PRKN: variants seen among roughly 807,000 people sequenced by gnomAD.
The protein encoded by PRKN is parkin RBR E3 ubiquitin protein ligase, also known as E3 ubiquitin-protein ligase parkin.
In PRKN, 56 loss-of-function variants were observed where a neutral mutation model predicts 59.5. The observed-to-expected ratio is 0.94, with a 90% CI of 0.76 to 1.18. The LOEUF is 1.18. PRKN is among the 50% of genes most tolerant of loss of function. PRKN has a pLI of 0.00. For missense variants in PRKN, 657 were observed against 596.4 expected, an observed-to-expected ratio of 1.10 and a Z score of -1.06; for synonymous variants, 250 against 222.1, an observed-to-expected ratio of 1.13 and a Z score of -1.12.
intron 1 of PRKN, among the ~76,000 whole-genome samples, chr6:162,465,348 C>T (rs1791367136): frequency 6.6e-6 from 1 of 152,130 alleles, no homozygotes; most frequent in Non-Finnish European, 1.5e-5. Flanking sequence ...TTTGTGGCCA[C>T]CTACAGAATA....
chr6:161,916,783 A>G (rs9355965), intron 6 of PRKN, among the ~76,000 whole-genome samples: 87,846 of 151,608 alleles, frequency 0.58, 25,863 homozygotes, highest in African/African-American at 0.7. Flanking sequence ...GTTAGTCTTT[A>G]ATTTTAATTT....
intron 6 of PRKN, among the ~76,000 whole-genome samples, chr6:161,786,440 G>A (rs1466879783): frequency 1.3e-5 from 2 of 151,872 alleles, no homozygotes; most frequent in Non-Finnish European, 1.5e-5. Flanking sequence ...TTCCTCCAAA[G>A]TATTTTAAGG....
chr6:161,364,406 C>T (rs1490298543), intron 10 of PRKN, among the ~76,000 whole-genome samples: 8 of 138,158 alleles, frequency 5.8e-5, no homozygotes, highest in East Asian at 2.1e-4. Flanking sequence ...TGCAGTGAGC[C>T]GAGATCATAC....
chr6:162,723,021 G>A (rs1778992882), intron 1 of PRKN, among the ~76,000 whole-genome samples: 1 of 152,108 alleles, frequency 6.6e-6, no homozygotes, highest in Admixed American at 6.6e-5. Flanking sequence ...CAAAATGGCA[G>A]GGCAAAGAGC....
At chr6:161,580,038 G>A (rs1781276161) in intron 7 of PRKN, among the ~76,000 whole-genome samples, 1 of 152,002 alleles carries the variant, frequency 6.6e-6, no homozygotes, top group African/African-American at 2.4e-5. Flanking sequence ...GTATATGCTG[G>A]GGTGAGATAC....
intron 1 of PRKN, among the ~76,000 whole-genome samples, chr6:162,685,644 C>T (rs893409588): frequency 2.0e-5 from 3 of 152,110 alleles, no homozygotes; most frequent in Non-Finnish European, 4.4e-5. Flanking sequence ...CAAGGAAATC[C>T]ACTTACTAAA....
At chr6:162,593,681 GAAGGGCAACTGGCTCAAACTC>G (rs1297777385) in intron 1 of PRKN, among the ~76,000 whole-genome samples, 1 of 152,140 alleles carries the variant, frequency 6.6e-6, no homozygotes, top group Non-Finnish European at 1.5e-5. Flanking sequence ...GGGCCCAGAG[GAAGGGCAACTGGCTCAAACTC>G]AAGGGCAGTC....
intron 5 of PRKN, among the ~76,000 whole-genome samples, chr6:161,992,454 A>G (rs1781687006): frequency 6.6e-6 from 1 of 152,196 alleles, no homozygotes; most frequent in Admixed American, 6.5e-5. Context: ...GCACCCAGAT[A>G]TATTTTTTAA....
At chr6:161,511,509 AAAT>A (rs1370365205) in intron 9 of PRKN, among the ~76,000 whole-genome samples, 1 of 152,172 alleles carries the variant, frequency 6.6e-6, no homozygotes, top group Non-Finnish European at 1.5e-5. Flanking sequence ...AGGATGAGCA[AAAT>A]AATAATGCAT....
At position 161,526,007 on chromosome 6, in the gene PRKN, A is replaced by G. The variant is rs1407275516; in HGVS notation, c.1083+22847T>C. Reference sequence around the variant, plus strand: ...ATAGGTTTAAGTTGCCTGTAACCCAAATCTGTGTATATAAGCAATTTAGTA... The same window carrying G: ...ATAGGTTTAAGTTGCCTGTAACCCAGATCTGTGTATATAAGCAATTTAGTA... On this transcript the variant is annotated intron_variant, in intron 9 of 11. Transcript: ENST00000366898. This position sits in a 1 kb window ranked among gnomAD's most constrained non-coding sequence, Gnocchi z 4.1. 6.6e-6 allele frequency among the ~76,000 whole-genome samples: 1 copy of G among 152,182 alleles called. No individual in the cohort carries two copies. The highest frequency in any genetic ancestry group is 1.9e-4 in the East Asian group (1 of 5,206).
intron 4 of PRKN, among the ~76,000 whole-genome samples, chr6:162,184,549 TTGC>T (rs1783941772): frequency 6.6e-6 from 1 of 152,150 alleles, no homozygotes; most frequent in South Asian, 2.1e-4. Flanking sequence ...CTTCTCTCTC[TTGC>T]TGCCCTGTGT....
At chr6:161,904,814 G>T (rs1006529716) in intron 6 of PRKN, among the ~76,000 whole-genome samples, 1 of 152,080 alleles carries the variant, frequency 6.6e-6, no homozygotes, top group Non-Finnish European at 1.5e-5. Context: ...TGCAGAGGCC[G>T]AGCTGCAGAG....
chr6:161,657,278 T>C (rs1784383065), intron 7 of PRKN, among the ~76,000 whole-genome samples: 1 of 152,236 alleles, frequency 6.6e-6, no homozygotes, highest in South Asian at 2.1e-4. Flanking sequence ...ACTTCTCATG[T>C]AGATTTCTGG....
intron 7 of PRKN, among the ~76,000 whole-genome samples, chr6:161,570,146 A>AAAATATATAT (rs869285771): frequency 1.3e-5 from 1 of 76,588 alleles, no homozygotes; most frequent in African/African-American, 6.8e-5. Flanking sequence ...AAAAAAAAAA[A>AAAATATATAT]ATATATATAT....
At chr6:161,596,873 C>T (rs1781933657) in intron 7 of PRKN, among the ~76,000 whole-genome samples, 1 of 152,204 alleles carries the variant, frequency 6.6e-6, no homozygotes, top group African/African-American at 2.4e-5. Flanking sequence ...GAGAGCCTTC[C>T]ATGTCTCGGC....
intron 5 of PRKN, among the ~76,000 whole-genome samples, chr6:162,032,993 C>T (rs998753710): frequency 1.3e-5 from 2 of 152,214 alleles, no homozygotes; most frequent in African/African-American, 4.8e-5. Context: ...CTCTGAGATC[C>T]TGGCTTTCCC....
chr6:161,904,570 C>T (rs1034013710), intron 6 of PRKN, among the ~76,000 whole-genome samples: 1 of 152,240 alleles, frequency 6.6e-6, no homozygotes. Flanking sequence ...CTGCCTCGGC[C>T]TCCCAAAGTA....
In PRKN at chr6:161,922,061, T is replaced by G. The variant is rs182787657; in HGVS notation, c.734+51241A>C. ...ATCCTGCATCTAATTCCAATTCATG[T>G]TTAAAAAGCCCAGAAAATTAAGTTA... On this transcript the variant is annotated intron_variant, in intron 6 of 11. Coordinates refer to ENST00000366898, the MANE Select transcript of PRKN (RefSeq NM_004562.3). 1.7e-3 allele frequency among the ~76,000 whole-genome samples: 256 copies of G among 152,316 alleles called. 2 individuals are homozygous for G. The highest frequency in any genetic ancestry group is 1.5e-3 in the Non-Finnish European group (101 of 68,032).
chr6:161,675,672 A>G (rs899076133), intron 7 of PRKN, among the ~76,000 whole-genome samples: 1 of 152,044 alleles, frequency 6.6e-6, no homozygotes, highest in African/African-American at 2.4e-5. Flanking sequence ...TCTCCTCATT[A>G]TATTCCCCAG....
Sources: allele counts gnomAD v4.1 joint callset (sites outside exome capture counted in the v4.1 genomes callset), GRCh38; gene constraint gnomAD v4.1.1; non-coding constraint Gnocchi (gnomAD v3.1); transcripts MANE v1.5; gene names NCBI Gene and HGNC (gene_info 2026-07-23, HGNC 2026-07-21).